PLK3: variants seen among roughly 807,000 people sequenced by gnomAD.
PLK3 encodes the protein polo like kinase 3.
A neutral mutation model predicts 71.6 loss-of-function variants in PLK3; 41 were observed. The ratio of observed to expected loss-of-function variants is 0.57; its 90% CI spans 0.45 to 0.74. The LOEUF (loss-of-function observed/expected upper bound fraction) is 0.74. Among genes scored for constraint, PLK3 ranks in the 30% least tolerant of loss-of-function variants. PLK3 has a pLI of 0.00. For missense variants in PLK3, 791 were observed against 875.6 expected, an observed-to-expected ratio of 0.90 and a Z score of 1.22; for synonymous variants, 366 against 355.4, an observed-to-expected ratio of 1.03 and a Z score of -0.33.
chr1:44,801,514 A>G, intron 3 of PLK3, 108 bp from the exon 4 acceptor site: 1 of 1,218,770 alleles, frequency 8.2e-7, no homozygotes, highest in Non-Finnish European at 1.2e-6. Context: ...AGCCGAGAAG[A>G]CAGTCTTAAG....
Position 44,800,598 on chromosome 1 carries a change from G to A in PLK3, c.135G>A (p.Pro45=). 2 of 1,538,462 alleles carry A rather than the reference G, an allele frequency of 1.3e-6. No individual in the cohort carries two copies. The highest frequency in any genetic ancestry group is 2.5e-5 in the East Asian group (1 of 40,544). The part of the protein sequence containing the change: ...GPELEMLAGL[P]TSDPGRLITD... ...AGCTGGAGATGCTGGCCGGGCTACC[G>A]ACGTCAGACCCCGGGCGCCTCATCA... Residue 45 remains proline (P), a synonymous_variant, in exon 1 of 15, where the codon CCG becomes CCA. Coordinates refer to ENST00000372201, the MANE Select transcript of PLK3 (RefSeq NM_004073.4). This position sits in a 1 kb window ranked among gnomAD's most constrained non-coding sequence, Gnocchi z 6.5.
chr1:44,803,769 C>A lies in PLK3; in HGVS notation c.1164+78C>A. On this transcript the variant is annotated intron_variant, in intron 9 of 14. Coordinates refer to ENST00000372201, the MANE Select transcript of PLK3 (RefSeq NM_004073.4). This position sits in a 1 kb window ranked among gnomAD's most constrained non-coding sequence, Gnocchi z 4.3. Reference sequence around the variant, plus strand: ...TGAGGGAAGCCGGGGATAAAAGAGGCTGCTGAAGCATCCAGCCTCGTGGTG... The same window carrying A: ...TGAGGGAAGCCGGGGATAAAAGAGGATGCTGAAGCATCCAGCCTCGTGGTG... 2 of 1,253,276 alleles carry A rather than the reference C, an allele frequency of 1.6e-6. No individual in the cohort carries two copies. Among genetic ancestry groups the A allele is most frequent in the Non-Finnish European group, 2.3e-6 (2 of 873,236 alleles). 77.6% of individuals were successfully genotyped at this position (1,253,276 alleles called of 1,614,324 possible). A position where few individuals can be genotyped will look rare whatever the true frequency, so the allele number is the denominator to read the frequency against.
chr1:44,805,556 G>A lies in PLK3; in HGVS notation c.1819G>A (p.Ala607Thr). The A allele has an allele frequency of 1.2e-6, 2 of 1,614,170 alleles. No homozygotes were observed. The highest frequency in any genetic ancestry group is 1.7e-6 in the Non-Finnish European group (2 of 1,180,000). The change falls in exon 15 of 15, where the codon GCC becomes ACC. Residue 607 changes from alanine (A) to threonine (T), a missense_variant. Ala to Thr is a moderately conservative substitution (Grantham distance 58). Coordinates refer to ENST00000372201, the MANE Select transcript of PLK3 (RefSeq NM_004073.4). Reference protein sequence around the residue: ...GWEPLLVTFVARNRSACTYLA... With the variant: ...GWEPLLVTFVTRNRSACTYLA... ...GGAGCCCCTCCTTGTGACTTTTGTG[G>A]CCCGAAATCGTAGTGCTTGTACTTA...
At chr1:44,805,084 C>G (rs973675094) in intron 13 of PLK3, 182 bp from the exon 14 acceptor site, 55 of 589,834 alleles carry the variant, frequency 9.3e-5, no homozygotes, top group Non-Finnish European at 1.3e-4. Context: ...CCAGCCTGGG[C>G]AACAGAGCGA....
intron 5 of PLK3, among the ~76,000 whole-genome samples, chr1:44,802,369 G>A (rs1013664030): frequency 6.6e-6 from 1 of 152,130 alleles, no homozygotes; most frequent in Non-Finnish European, 1.5e-5. Context: ...TAGCGTATGT[G>A]GCAGATGAGT....
Position 44,805,310 on chromosome 1 carries a change from G to A in PLK3, c.1680G>A (p.Pro560=), listed in dbSNP as rs1651989063. Residue 560 remains proline, a synonymous_variant, in exon 14 of 15, where the codon CCG becomes CCA. Transcript: ENST00000372201. ...TGGAAGAGGTAGAGGTACCTGCTCCGCCCTTGCTGCTGCAGTGGGTCAAGA... is the reference window on the plus strand; with the variant it reads ...TGGAAGAGGTAGAGGTACCTGCTCCACCCTTGCTGCTGCAGTGGGTCAAGA... ...PSVEEVEVPA[P]PLLLQWVKTD... 3 of 1,613,902 alleles carry A rather than the reference G, an allele frequency of 1.9e-6. No individual in the cohort carries two copies. The highest frequency in any genetic ancestry group is 2.5e-6 in the Non-Finnish European group (3 of 1,179,956).
At position 44,800,888 on chromosome 1, in the gene PLK3, G is replaced by A. The variant is rs1440502350; in HGVS notation, c.259G>A (p.Ala87Thr). 2 of 1,612,044 alleles carry A rather than the reference G, an allele frequency of 1.2e-6. No individual in the cohort carries two copies. Among genetic ancestry groups the A allele is most frequent in the South Asian group, 2.2e-5 (2 of 91,042 alleles). The change falls in exon 2 of 15, where the codon GCC (alanine) becomes ACC (threonine). Residue 87 changes from alanine (A) to threonine (T), a missense_variant. Transcript: ENST00000372201. This position sits in a 1 kb window ranked among gnomAD's most constrained non-coding sequence, Gnocchi z 6.5. ...GGCCACTGACACAGAGACTGGCAGC[G>A]CCTACGCTGTCAAAGTCATCCCGCA... is the stretch of plus-strand genomic sequence containing the variant. The part of the protein sequence containing the change: ...YEATDTETGS[A>T]YAVKVIPQSR...
rs769109705 is a variant in PLK3 at position 44,805,701 on chromosome 1, G to GCCTGAGC, written c.*27_*28insAGCCCTG. The GCCTGAGC allele has an allele frequency of 6.2e-7, 1 of 1,602,656 alleles. No homozygotes were observed. Among genetic ancestry groups the GCCTGAGC allele is most frequent in the African/African-American group, 1.3e-5 (1 of 74,896 alleles). ...TAGGACCCAAGCCCTGAGGCCTGAG[G>GCCTGAGC]CCTGTGCCTGTCAGGCTCTGGCCCT... On this transcript the variant is annotated 3_prime_UTR_variant, in exon 15 of 15. Coordinates refer to ENST00000372201, the MANE Select transcript of PLK3 (RefSeq NM_004073.4).
At chr1:44,805,108 A>C (rs1651979649) in intron 13 of PLK3, 158 bp from the exon 14 acceptor site, 2 of 602,278 alleles carry the variant, frequency 3.3e-6, no homozygotes, top group Non-Finnish European at 5.9e-6. Flanking sequence ...TCCATCTCAA[A>C]AAAAAAAAAT....
At position 44,803,610 on chromosome 1, in the gene PLK3, T is replaced by A; in HGVS notation, c.1083T>A (p.His361Gln). The stretch of plus-strand genomic sequence containing the variant: ...ACCTTTCACCCCCAGGTAAGAATCA[T>A]GCCCAGGAGAGGGATGAGGTCTCCG... ...LFGRKKKSKN[H>Q]AQERDEVSGL... The change falls in exon 9 of 15, where the codon CAT (histidine) becomes CAA (glutamine). Residue 361 changes from histidine (H) to glutamine (Q), a missense_variant. Coordinates refer to ENST00000372201, the MANE Select transcript of PLK3 (RefSeq NM_004073.4). The surrounding 1 kb of genome is among the most constrained non-coding windows in gnomAD (Gnocchi z 4.3). The A allele has an allele frequency of 6.2e-7, 1 of 1,613,820 alleles. No homozygotes were observed. The highest frequency in any genetic ancestry group is 8.5e-7 in the Non-Finnish European group (1 of 1,179,792).
chr1:44,800,893 C>G lies in PLK3; in HGVS notation c.264C>G (p.Tyr88Ter). 1 of 1,612,188 alleles carries G rather than the reference C, an allele frequency of 6.2e-7. No individual in the cohort carries two copies. Among genetic ancestry groups the G allele is most frequent in the Non-Finnish European group, 8.5e-7 (1 of 1,179,888 alleles). ...EATDTETGSAYAVKVIPQSRV... is the reference protein window; with the variant it reads ...EATDTETGSA The stretch of plus-strand genomic sequence containing the variant: ...CTGACACAGAGACTGGCAGCGCCTA[C>G]GCTGTCAAAGTCATCCCGCAGAGCC... Residue 88 changes from tyrosine to a stop codon, truncating the protein, a stop_gained, in exon 2 of 15, where the codon TAC becomes TAG. Coordinates refer to ENST00000372201, the MANE Select transcript of PLK3 (RefSeq NM_004073.4). LOFTEE classifies it high-confidence loss of function. This position sits in a 1 kb window ranked among gnomAD's most constrained non-coding sequence, Gnocchi z 6.5.
Position 44,804,666 on chromosome 1 carries a change from C to A in PLK3, c.1522C>A (p.Pro508Thr). Residue 508 changes from proline (P) to threonine (T), a missense_variant, in exon 13 of 15, where the codon CCC becomes ACC. By Grantham distance (38) the Pro-to-Thr change is conservative. Transcript: ENST00000372201. ...CCATTCTAGGACTGTGCACTACAAT[C>A]CCACCAGCACAAAGCACTTCTCCTT... ...SANRKTVHYNPTSTKHFSFSV... is the reference protein window; with the variant it reads ...SANRKTVHYNTTSTKHFSFSV... 1 of 1,613,992 alleles carries A rather than the reference C, an allele frequency of 6.2e-7. No individual in the cohort carries two copies. The highest frequency in any genetic ancestry group is 1.1e-5 in the South Asian group (1 of 91,062).
At position 44,801,153 on chromosome 1, in the gene PLK3, G is replaced by A. The variant is rs905591936; in HGVS notation, c.435+1G>A. 2 of 1,533,488 alleles carry A rather than the reference G, an allele frequency of 1.3e-6. No homozygotes were observed. Among genetic ancestry groups the A allele is most frequent in the African/African-American group, 2.7e-5 (2 of 73,322 alleles). The allele number at this position is 1,533,488 out of a possible 1,614,324, so 95.0% of individuals were successfully genotyped here. ...TTTCTTGGAGCTCTGCAGCCGAAAG[G>A]TGAAAGATGGTGATTCCCGCAGGGA... On this transcript the variant is annotated splice_donor_variant, in intron 3 of 14. Coordinates refer to ENST00000372201, the MANE Select transcript of PLK3 (RefSeq NM_004073.4). LOFTEE classifies it high-confidence loss of function.
intron 3 of PLK3, 32 bp downstream of exon 3, chr1:44,801,184 G>A: frequency 1.1e-6 from 1 of 870,646 alleles, no homozygotes; most frequent in Non-Finnish European, 1.9e-6. Flanking sequence ...AGGGATGAGA[G>A]TGAGGGAGAG....
At position 44,803,923 on chromosome 1, in the gene PLK3, C is replaced by A; in HGVS notation, c.1165-8C>A. Reference sequence around the variant, plus strand: ...TGTGTCACTCCCTTTCCCTGCCCAACCCTCCAGGCTCCAGCAGCTTCTGGC... The same window carrying A: ...TGTGTCACTCCCTTTCCCTGCCCAAACCTCCAGGCTCCAGCAGCTTCTGGC... On this transcript the variant is annotated splice_region_variant and splice_polypyrimidine_tract_variant and intron_variant, in intron 9 of 14. Transcript: ENST00000372201. This position sits in a 1 kb window ranked among gnomAD's most constrained non-coding sequence, Gnocchi z 4.3. 6.5e-7 allele frequency: 1 copy of A among 1,544,832 alleles called. No individual in the cohort carries two copies. Among genetic ancestry groups the A allele is most frequent in the Non-Finnish European group, 8.8e-7 (1 of 1,141,488 alleles).
intron 5 of PLK3, among the ~76,000 whole-genome samples, chr1:44,802,453 GT>G (rs1456988076): frequency 6.6e-6 from 1 of 152,110 alleles, no homozygotes; most frequent in Non-Finnish European, 1.5e-5. Context: ...CCTGATGCCT[GT>G]CTGACAGACA....
Position 44,803,699 on chromosome 1 carries a change from G to T in PLK3, c.1164+8G>T. Reference sequence around the variant, plus strand: ...CAGGATGCCAGGCCAGAGGTGAGGCGCTCAGGTGGACACTGTTCCCCTGAC... The same window carrying T: ...CAGGATGCCAGGCCAGAGGTGAGGCTCTCAGGTGGACACTGTTCCCCTGAC... On this transcript the variant is annotated splice_region_variant and intron_variant, in intron 9 of 14. Coordinates refer to ENST00000372201, the MANE Select transcript of PLK3 (RefSeq NM_004073.4). The surrounding 1 kb of genome is among the most constrained non-coding windows in gnomAD (Gnocchi z 4.3). 6.3e-7 allele frequency: 1 copy of T among 1,597,498 alleles called. No homozygotes were observed.
In PLK3 at chr1:44,803,859, G is replaced by A. The variant is rs1214801490; in HGVS notation, c.1165-72G>A. 6.4e-6 allele frequency: 8 copies of A among 1,259,232 alleles called. No individual in the cohort carries two copies. The highest frequency in any genetic ancestry group is 3.0e-5 in the African/African-American group (2 of 67,328). The allele number at this position is 1,259,232 out of a possible 1,614,324, so 78.0% of individuals were successfully genotyped here. A position where few individuals can be genotyped will look rare whatever the true frequency, so the allele number is the denominator to read the frequency against. ...CTGGGGTGCCCTGGGAGCCAGGGCA[G>A]GGCCAGGCCATGGACTCAAGGGTTT... On this transcript the variant is annotated intron_variant, in intron 9 of 14. Transcript: ENST00000372201. The surrounding 1 kb of genome is among the most constrained non-coding windows in gnomAD (Gnocchi z 4.3).
chr1:44,800,592 G>A lies in PLK3; in HGVS notation c.129G>A (p.Gly43=). 2 of 1,537,198 alleles carry A rather than the reference G, an allele frequency of 1.3e-6. No individual in the cohort carries two copies. The highest frequency in any genetic ancestry group is 1.2e-5 in the South Asian group (1 of 83,864). ...GACCTGAGCTGGAGATGCTGGCCGG[G>A]CTACCGACGTCAGACCCCGGGCGCC... ...LRGPELEMLA[G]LPTSDPGRLI... Residue 43 remains glycine, a synonymous_variant, in exon 1 of 15, where the codon GGG becomes GGA. Transcript: ENST00000372201. This position sits in a 1 kb window ranked among gnomAD's most constrained non-coding sequence, Gnocchi z 6.5.
Sources: allele counts gnomAD v4.1 joint callset (sites outside exome capture counted in the v4.1 genomes callset), GRCh38; gene constraint gnomAD v4.1.1; non-coding constraint Gnocchi (gnomAD v3.1); transcripts MANE v1.5; gene names NCBI Gene and HGNC (gene_info 2026-07-23, HGNC 2026-07-21).